OGFOD2: variants seen among roughly 807,000 people sequenced by gnomAD.
OGFOD2 encodes the protein 2-oxoglutarate and iron-dependent oxygenase domain-containing protein 2.
In OGFOD2, 34 loss-of-function variants were observed where a neutral mutation model predicts 31.1. The ratio of observed to expected loss-of-function variants is 1.09; its 90% CI spans 0.83 to 1.45. The LOEUF (loss-of-function observed/expected upper bound fraction) is 1.45, where lower values mean the gene tolerates loss of function less well. Ranked by LOEUF, OGFOD2 falls within the 40% of genes most tolerant of loss-of-function variation. The probability of loss-of-function intolerance (pLI) is 0.00; values close to 1 mark genes in which losing one functional copy is unlikely to be tolerated. For missense variants in OGFOD2, 537 were observed against 433.9 expected (o/e 1.24, Z -2.11); for synonymous variants, 240 against 192.3 (o/e 1.25, Z -2.05).
chr12:122,975,659 C>T (rs2037397823), intron 1 of OGFOD2, 152 bp from the exon 2 acceptor site: 2 of 632,224 alleles, frequency 3.2e-6, no homozygotes, highest in South Asian at 1.7e-5. Flanking sequence ...GAGCCCTGTC[C>T]TGAGCTTGAC....
chr12:122,978,645 G>C, intron 5 of OGFOD2, 76 bp downstream of exon 5: 1 of 1,592,546 alleles, frequency 6.3e-7, no homozygotes, highest in East Asian at 2.3e-5. Flanking sequence ...CTGCAGATGG[G>C]CTGCCTGCCC....
At chr12:122,974,745 T>C (rs957960082), upstream of OGFOD2, 2 of 152,740 alleles carry the variant, frequency 1.3e-5, no homozygotes, top group African/African-American at 4.8e-5. Flanking sequence ...CAACAGACTG[T>C]GGCGGAGGGA....
At chr12:122,979,447 C>G (rs1447443075) in exon 7 of OGFOD2, 2 of 1,384,748 alleles carry the variant, frequency 1.4e-6, no homozygotes, top group Non-Finnish European at 1.9e-6. Context: ...CACTTCTTGG[C>G]TCAACGGTGT....
intron 2 of OGFOD2, chr12:122,976,246 CCCG>C: frequency 2.6e-6 from 2 of 769,932 alleles, no homozygotes; most frequent in South Asian, 3.2e-5. Flanking sequence ...TACCATATAC[CCCG>C]CAGGCTGCTG....
intron 4 of OGFOD2, chr12:122,978,089 G>A (rs2037484605): frequency 1.0e-5 from 2 of 197,412 alleles, no homozygotes; most frequent in Admixed American, 5.1e-5. Context: ...CAGATGAAAG[G>A]AGGTGCAGAG....
Position 122,979,824 on chromosome 12 carries a change from T to G in OGFOD2, c.*478T>G, listed in dbSNP as rs1029945722. The G allele has an allele frequency of 4.8e-5, 10 of 207,922 alleles. No homozygotes were observed. In the East Asian group the frequency reaches 1.1e-3, roughly 23 times the overall value. 12.9% of individuals were successfully genotyped at this position (207,922 alleles called of 1,614,324 possible). A position where few individuals can be genotyped will look rare whatever the true frequency, so the allele number is the denominator to read the frequency against. On this transcript the variant is annotated 3_prime_UTR_variant, in exon 7 of 7. Coordinates refer to ENST00000228922, the Ensembl canonical transcript of OGFOD2. ...CAGCAGGCATCACCCCCCAGTGGACTCGGGTGGGCCACCAGTAGCATCTTC... is the reference window on the plus strand; with the variant it reads ...CAGCAGGCATCACCCCCCAGTGGACGCGGGTGGGCCACCAGTAGCATCTTC...
chr12:122,978,720 G>GT, intron 5 of OGFOD2, 33 bp from the exon 6 acceptor site: 1 of 1,597,164 alleles, frequency 6.3e-7, no homozygotes, highest in Non-Finnish European at 8.5e-7. Flanking sequence ...CAGCCCTCTA[G>GT]TTTCCTTGCT....
intron 4 of OGFOD2, chr12:122,978,104 C>A (rs75732968): frequency 1.1e-4 from 25 of 219,458 alleles, no homozygotes; most frequent in Non-Finnish European, 2.2e-4. Context: ...GCAGAGAGAG[C>A]CTGAAGTTGG....
chr12:122,977,622 T>C (rs2037471231), intron 4 of OGFOD2: 1 of 165,436 alleles, frequency 6.0e-6, no homozygotes, highest in African/African-American at 2.4e-5. Context: ...TTAATCTGCA[T>C]AGAGTGCCTG....
At position 122,976,975 on chromosome 12, in the gene OGFOD2, G is replaced by A. The variant is rs202209787; in HGVS notation, c.403+5G>A. The A allele has an allele frequency of 1.6e-3, 2,633 of 1,612,684 alleles. 6 individuals carry two copies. Among genetic ancestry groups the A allele is most frequent in the Non-Finnish European group, 1.6e-3 (1,918 of 1,179,514 alleles). The stretch of plus-strand genomic sequence containing the variant: ...AGCGGCTGGAGACAGTATCGGGTGA[G>A]GTCCTGGCCCTGAGACCTGGCAGGA... On this transcript the variant is annotated splice_donor_5th_base_variant and intron_variant, in intron 4 of 6. Transcript: ENST00000228922.
Position 122,976,123 on chromosome 12 carries a change from T to C in OGFOD2, c.189+256T>C, listed in dbSNP as rs1594095020. The C allele has an allele frequency of 6.7e-6, 4 of 593,356 alleles. No individual in the cohort carries two copies. The East Asian group carries it at 1.1e-4, about 16-fold the overall frequency. 36.8% of individuals were successfully genotyped at this position (593,356 alleles called of 1,614,324 possible). Reference sequence around the variant, plus strand: ...TGTGAGATAAGCACAAGCACCACTCTCATTTTGGATTGAGAAGCTGAGGCT... The same window carrying C: ...TGTGAGATAAGCACAAGCACCACTCCCATTTTGGATTGAGAAGCTGAGGCT... On this transcript the variant is annotated intron_variant, in intron 2 of 6. Transcript: ENST00000228922.
In OGFOD2 at chr12:122,977,038, G is replaced by C. The variant is rs570471415; in HGVS notation, c.403+68G>C. Reference sequence around the variant, plus strand: ...AGCCTGGGAAACCTGGGTGTGGGATGCTGGGGTCCCTCCAGCCACCATCTC... The same window carrying C: ...AGCCTGGGAAACCTGGGTGTGGGATCCTGGGGTCCCTCCAGCCACCATCTC... On this transcript the variant is annotated intron_variant, in intron 4 of 6. Transcript: ENST00000228922. The C allele has an allele frequency of 2.3e-5, 34 of 1,460,298 alleles. No homozygotes were observed. The African/African-American group carries it at 4.2e-4, about 18-fold the overall frequency. 90.5% of individuals were successfully genotyped at this position (1,460,298 alleles called of 1,614,324 possible).
At chr12:122,976,150 AAAGAGGG>A (rs2037420974) in intron 2 of OGFOD2, 2 of 594,868 alleles carry the variant, frequency 3.4e-6, no homozygotes, top group Non-Finnish European at 6.0e-6. Context: ...GCTGAGGCTT[AAAGAGGG>A]ATCCCTTGCC....
chr12:122,975,693 C>T (rs1566209049), intron 1 of OGFOD2, 118 bp from the exon 2 acceptor site: 1 of 660,104 alleles, frequency 1.5e-6, no homozygotes, highest in Non-Finnish European at 2.8e-6. Context: ...TCATTCTCTC[C>T]ATGATCCTTT....
exon 7 of OGFOD2, chr12:122,979,245 C>T: frequency 6.2e-7 from 1 of 1,612,938 alleles, no homozygotes; most frequent in Non-Finnish European, 8.5e-7. Context: ...CAGCCTCTGT[C>T]CCATGTGCTG....
chr12:122,976,822 C>T (rs2037448018), intron 3 of OGFOD2, 49 bp from the exon 4 acceptor site: 2 of 1,597,790 alleles, frequency 1.3e-6, no homozygotes, highest in African/African-American at 2.7e-5. Context: ...AGGTAGCATC[C>T]AGGGCTGGGG....
upstream of OGFOD2, chr12:122,975,097 T>C (rs918102908): frequency 1.0e-5 from 5 of 498,652 alleles, no homozygotes; most frequent in Non-Finnish European, 1.8e-5. Flanking sequence ...GGAGCATCTT[T>C]CTCCGCAGAC....
At position 122,978,429 on chromosome 12, in the gene OGFOD2, C is replaced by G; in HGVS notation, c.404-13C>G. ...GCCACATTCAGGCCAACAGACCATC[C>G]CTCCTTCCACAGAGGAGAAGCGCAT... On this transcript the variant is annotated splice_polypyrimidine_tract_variant and intron_variant, in intron 4 of 6. Coordinates refer to ENST00000228922, the Ensembl canonical transcript of OGFOD2. The G allele has an allele frequency of 6.2e-7, 1 of 1,612,298 alleles. No individual in the cohort carries two copies. The highest frequency in any genetic ancestry group is 8.5e-7 in the Non-Finnish European group (1 of 1,179,080).
At position 122,978,104 on chromosome 12, in the gene OGFOD2, C is replaced by G. The variant is rs75732968; in HGVS notation, c.404-338C>G. The G allele has an allele frequency of 1.2e-3, 257 of 219,458 alleles. 2 individuals carry two copies. In the East Asian group the frequency reaches 0.021, roughly 18 times the overall value. 13.6% of individuals were successfully genotyped at this position (219,458 alleles called of 1,614,324 possible). A position where few individuals can be genotyped will look rare whatever the true frequency, so the allele number is the denominator to read the frequency against. On this transcript the variant is annotated intron_variant, in intron 4 of 6. Coordinates refer to ENST00000228922, the Ensembl canonical transcript of OGFOD2. ...CAGATGAAAGGAGGTGCAGAGAGAG[C>G]CTGAAGTTGGCTCTGTGATCCCGAC... is the stretch of plus-strand genomic sequence containing the variant.
Sources: allele counts gnomAD v4.1 joint callset, GRCh38; gene constraint gnomAD v4.1.1; transcripts MANE v1.5; gene names NCBI Gene and HGNC (gene_info 2026-07-23, HGNC 2026-07-21).